Variants in PDS5A observed in about 807,000 individuals in gnomAD.
PDS5A encodes PDS5 cohesin associated factor A.
In PDS5A, 42 loss-of-function variants were observed where a neutral mutation model predicts 167.1. That is an observed-to-expected ratio of 0.25 (90% CI 0.20 to 0.33). The LOEUF is 0.33. Among genes scored for constraint, PDS5A ranks in the 10% least tolerant of loss-of-function variants. The probability of loss-of-function intolerance (pLI) is 1.00; values close to 1 mark genes in which losing one functional copy is unlikely to be tolerated. For missense variants in PDS5A, 1,033 were observed against 1,605.9 expected, an observed-to-expected ratio of 0.64 and a Z score of 6.10; for synonymous variants, 553 against 554.6, an observed-to-expected ratio of 1.00 and a Z score of 0.04.
Position 39,901,270 on chromosome 4 carries a change from T to C in PDS5A, c.1500-763A>G, listed in dbSNP as rs868514313. 1.0e-3 allele frequency among the ~76,000 whole-genome samples: 132 copies of C among 131,660 alleles called. No homozygotes were observed. The Middle Eastern group carries it at 0.013, about 13-fold the overall frequency. 86.4% of individuals were successfully genotyped at this position (131,660 alleles called of 152,430 possible). On this transcript the variant is annotated intron_variant, in intron 13 of 32. Coordinates refer to ENST00000303538, the MANE Select transcript of PDS5A (RefSeq NM_001100399.2). ...CAGTCTTTTTTTCTTTTCTTTCTTT[T>C]TTTTTTTTTTTTTTTTGAGACAAGT...
chr4:39,929,521 A>ATC (rs1725779867), intron 2 of PDS5A, among the ~76,000 whole-genome samples: 1 of 17,248 alleles, frequency 5.8e-5, no homozygotes, highest in East Asian at 4.7e-3. Context: ...TTAATAAACT[A>ATC]TATATATATA....
chr4:39,868,773 T>C (rs978016175), intron 22 of PDS5A: 5 of 426,450 alleles, frequency 1.2e-5, no homozygotes, highest in African/African-American at 1.0e-4. Context: ...CAAAGTATTA[T>C]TTATTATATT....
At chr4:39,914,162 G>GTTTTTT (rs34732453) in intron 8 of PDS5A, among the ~76,000 whole-genome samples, 3 of 64,102 alleles carry the variant, frequency 4.7e-5, no homozygotes, top group Non-Finnish European at 1.1e-4. Context: ...ATACAAATTT[G>GTTTTTT]TTTTTTTTTT....
At chr4:39,854,615 G>A (rs187229727) in intron 26 of PDS5A, among the ~76,000 whole-genome samples, 1 of 152,124 alleles carries the variant, frequency 6.6e-6, no homozygotes. Context: ...TGTGAGTTAT[G>A]TGCCTATTCT....
chr4:39,832,223 T>A (rs1356279596), intron 32 of PDS5A, among the ~76,000 whole-genome samples: 1 of 151,950 alleles, frequency 6.6e-6, no homozygotes, highest in Non-Finnish European at 1.5e-5. Context: ...TTCAATTATT[T>A]TTTTTTTTGA....
intron 2 of PDS5A, among the ~76,000 whole-genome samples, chr4:39,969,857 G>A (rs1286515222): frequency 6.6e-6 from 1 of 151,686 alleles, no homozygotes; most frequent in African/African-American, 2.4e-5. Context: ...AAACAGACAC[G>A]GTATCTGTAT....
At position 39,825,346 on chromosome 4, in the gene PDS5A, C is replaced by T; in HGVS notation, c.*139G>A. 1.7e-6 allele frequency: 1 copy of T among 593,692 alleles called. No individual in the cohort carries two copies. Among genetic ancestry groups the T allele is most frequent in the Non-Finnish European group, 2.9e-6 (1 of 341,894 alleles). The allele number at this position is 593,692 out of a possible 1,614,324, so 36.8% of individuals were successfully genotyped here. A position where few individuals can be genotyped will look rare whatever the true frequency, so the allele number is the denominator to read the frequency against. ...TCATGTGAAAAGGAAGTAATAGTCT[C>T]TTTAGTTTTCAAGGCAGAGAGTGTG... On this transcript the variant is annotated 3_prime_UTR_variant, in exon 33 of 33. Coordinates refer to ENST00000303538, the MANE Select transcript of PDS5A (RefSeq NM_001100399.2).
intron 32 of PDS5A, among the ~76,000 whole-genome samples, chr4:39,834,626 TA>T (rs1342074397): frequency 2.0e-5 from 3 of 152,330 alleles, no homozygotes; most frequent in African/African-American, 7.2e-5. Context: ...TTGAAATGGT[TA>T]AACTCACAGG....
chr4:39,963,661 G>A (rs1729706650), intron 2 of PDS5A, among the ~76,000 whole-genome samples: 1 of 152,044 alleles, frequency 6.6e-6, no homozygotes, highest in African/African-American at 2.4e-5. Flanking sequence ...GCAAAACCCT[G>A]TCTCTTCAAA....
At chr4:39,899,049 G>A (rs1722656085) in intron 14 of PDS5A, among the ~76,000 whole-genome samples, 2 of 152,246 alleles carry the variant, frequency 1.3e-5, no homozygotes, top group South Asian at 4.1e-4. Context: ...AGGAGATGTT[G>A]GGAGGAAGGT....
At chr4:39,937,068 C>T (rs1022362854) in intron 2 of PDS5A, among the ~76,000 whole-genome samples, 1 of 152,132 alleles carries the variant, frequency 6.6e-6, no homozygotes, top group African/African-American at 2.4e-5. Flanking sequence ...CACTAACCTC[C>T]CCTGAGCTTT....
chr4:39,973,510 CAGAA>C, intron 2 of PDS5A: 2 of 1,336,052 alleles, frequency 1.5e-6, no homozygotes, highest in South Asian at 1.2e-5. Flanking sequence ...TGAACGTCTC[CAGAA>C]AGAGTTTTCT....
intron 2 of PDS5A, among the ~76,000 whole-genome samples, chr4:39,951,391 G>T (rs897900206): frequency 2.0e-5 from 3 of 152,174 alleles, no homozygotes; most frequent in African/African-American, 7.2e-5. Context: ...CTCTGAAATT[G>T]TGATGTGTCT....
chr4:39,944,263 C>T (rs889353029), intron 2 of PDS5A, among the ~76,000 whole-genome samples: 2 of 151,828 alleles, frequency 1.3e-5, no homozygotes, highest in Non-Finnish European at 2.9e-5. Flanking sequence ...CCATTTATTT[C>T]CGCCTTCAAG....
chr4:39,850,001 G>C (rs751090794), intron 26 of PDS5A, among the ~76,000 whole-genome samples: 1 of 152,022 alleles, frequency 6.6e-6, no homozygotes, highest in South Asian at 2.1e-4. Context: ...GGCTGGGCGC[G>C]GTGGCTCATG....
intron 5 of PDS5A, 72 bp from the exon 6 acceptor site, chr4:39,922,820 AT>A: frequency 1.5e-6 from 2 of 1,359,572 alleles, no homozygotes; most frequent in Non-Finnish European, 1.9e-6. Context: ...CTAATAGGAA[AT>A]TAAACGTCCT....
At chr4:39,892,597 A>G (rs1041702311) in intron 16 of PDS5A, among the ~76,000 whole-genome samples, 5 of 152,218 alleles carry the variant, frequency 3.3e-5, no homozygotes, top group East Asian at 1.9e-4. Context: ...TTCAATGGAA[A>G]TATTTGTCAG....
chr4:39,944,363 AT>A (rs745672365), intron 2 of PDS5A, among the ~76,000 whole-genome samples: 1 of 152,046 alleles, frequency 6.6e-6, no homozygotes, highest in Non-Finnish European at 1.5e-5. Context: ...CTCAAGGGGA[AT>A]TCATAAGGTC....
At chr4:39,889,056 T>A (rs1721743085) in intron 17 of PDS5A, among the ~76,000 whole-genome samples, 1 of 152,220 alleles carries the variant, frequency 6.6e-6, no homozygotes, top group Admixed American at 6.6e-5. Flanking sequence ...CAAATTCATA[T>A]GAATTCTAAT....
Sources: allele counts gnomAD v4.1 joint callset (sites outside exome capture counted in the v4.1 genomes callset), GRCh38; gene constraint gnomAD v4.1.1; transcripts MANE v1.5; gene names NCBI Gene and HGNC (gene_info 2026-07-23, HGNC 2026-07-21).